WDFY3: variants seen among roughly 807,000 people sequenced by gnomAD.
WDFY3 encodes WD repeat and FYVE domain-containing protein 3.
WDFY3 carries 66 observed loss-of-function variants against 409.6 expected under a neutral mutation model. The ratio of observed to expected loss-of-function variants is 0.16; its 90% CI spans 0.13 to 0.20. The LOEUF is 0.20. WDFY3 is among the 10% of genes least tolerant of loss of function. WDFY3 has a pLI of 1.00. For missense variants in WDFY3, 3,031 were observed against 4,298.1 expected (o/e 0.71, Z 8.24); for synonymous variants, 1,521 against 1,537.1 (o/e 0.99, Z 0.25).
At chr4:84,684,274 G>T in intron 62 of WDFY3, 149 bp from the exon 63 acceptor site, 1 of 689,380 alleles carries the variant, frequency 1.5e-6, no homozygotes. Context: ...GAAATTCAGT[G>T]CTTGCTGACT....
Position 84,780,263 on chromosome 4 carries a change from T to C in WDFY3, c.4210A>G (p.Thr1404Ala). 9 of 1,613,356 alleles carry C rather than the reference T, an allele frequency of 5.6e-6. No homozygotes were observed. The highest frequency in any genetic ancestry group is 1.1e-5 in the South Asian group (1 of 90,826). Residue 1404 changes from threonine to alanine, a missense_variant, in exon 26 of 68, where the codon ACT (threonine) becomes GCT (alanine). This residue lies in a region of WDFY3 where 1,322 missense variants were observed against 1,697.9 expected (regional missense o/e 0.78). Transcript: ENST00000295888. ...RTFVPKPVAT[T>A]LQYVGGAAAI... ...GCAGCTCCACCAACGTACTGCAAAGTAGTGGCAACAGGCTTAGGGACAAAT... is the reference window on the plus strand; with the variant it reads ...GCAGCTCCACCAACGTACTGCAAAGCAGTGGCAACAGGCTTAGGGACAAAT...
chr4:84,827,516 C>T (rs1440677915), intron 9 of WDFY3, among the ~76,000 whole-genome samples: 1 of 151,992 alleles, frequency 6.6e-6, no homozygotes, highest in Non-Finnish European at 1.5e-5. Flanking sequence ...AGTGAGAGTT[C>T]CAACAGCTGG....
intron 3 of WDFY3, among the ~76,000 whole-genome samples, chr4:84,895,724 T>G (rs1359850524): frequency 6.6e-6 from 1 of 152,052 alleles, no homozygotes; most frequent in Non-Finnish European, 1.5e-5. Flanking sequence ...GCAGTGCCAG[T>G]AGAGGTAAGG....
intron 2 of WDFY3, among the ~76,000 whole-genome samples, chr4:84,901,192 T>C (rs1239011534): frequency 6.6e-6 from 1 of 152,212 alleles, no homozygotes; most frequent in Non-Finnish European, 1.5e-5. Flanking sequence ...TTCTAAAGGC[T>C]CTACCTCTTA....
At chr4:84,713,125 T>A in intron 51 of WDFY3, 34 bp downstream of exon 51, 1 of 1,602,978 alleles carries the variant, frequency 6.2e-7, no homozygotes, top group Middle Eastern at 1.7e-4. Context: ...AACTTCACTA[T>A]TAAACTGTAA....
intron 3 of WDFY3, among the ~76,000 whole-genome samples, chr4:84,876,976 T>A (rs746882356): frequency 1.3e-5 from 2 of 152,234 alleles, no homozygotes; most frequent in Non-Finnish European, 2.9e-5. Flanking sequence ...AAATTATCAA[T>A]ATCTTGCATC....
intron 11 of WDFY3, 36 bp from the exon 12 acceptor site, chr4:84,820,222 G>A (rs1413403929): frequency 1.3e-6 from 2 of 1,505,130 alleles, no homozygotes; most frequent in Non-Finnish European, 9.0e-7. Context: ...TTACAAAAGT[G>A]ATAAGCTTAT....
chr4:84,920,155 T>G (rs1428668155), intron 2 of WDFY3, among the ~76,000 whole-genome samples: 1 of 152,164 alleles, frequency 6.6e-6, no homozygotes, highest in African/African-American at 2.4e-5. Flanking sequence ...TGAAGAATTA[T>G]TCTAGATTAA....
At chr4:84,829,684 G>A (rs1441570932) in intron 8 of WDFY3, among the ~76,000 whole-genome samples, 1 of 151,950 alleles carries the variant, frequency 6.6e-6, no homozygotes, top group African/African-American at 2.4e-5. Flanking sequence ...GCACGCGCCT[G>A]TAGTCCCAGC....
At chr4:84,884,966 C>T (rs931582477) in intron 3 of WDFY3, among the ~76,000 whole-genome samples, 1 of 152,136 alleles carries the variant, frequency 6.6e-6, no homozygotes, top group Non-Finnish European at 1.5e-5. Flanking sequence ...GAAAGGTAAA[C>T]TATACAGCTA....
chr4:84,806,166 T>C (rs927217970), intron 15 of WDFY3, among the ~76,000 whole-genome samples: 5 of 152,176 alleles, frequency 3.3e-5, no homozygotes, highest in African/African-American at 1.2e-4. Context: ...ATGTAATTTG[T>C]TGAGAGGTTC....
chr4:84,808,443 G>T, intron 14 of WDFY3, 26 bp from the exon 15 acceptor site: 1 of 1,603,938 alleles, frequency 6.2e-7, no homozygotes, highest in African/African-American at 1.3e-5. Context: ...CAGACAGGGT[G>T]GTTTAGAGAG....
intron 3 of WDFY3, among the ~76,000 whole-genome samples, chr4:84,887,054 A>G (rs1422137802): frequency 6.6e-6 from 1 of 152,338 alleles, no homozygotes; most frequent in Non-Finnish European, 1.5e-5. Context: ...ACAGTGGTAC[A>G]TATCAACAAC....
chr4:84,938,293 G>A (rs1372613785), intron 1 of WDFY3, among the ~76,000 whole-genome samples: 1 of 151,990 alleles, frequency 6.6e-6, no homozygotes, highest in African/African-American at 2.4e-5. Flanking sequence ...ATAATTGGGG[G>A]ACAACAACTA....
intron 3 of WDFY3, among the ~76,000 whole-genome samples, chr4:84,871,191 T>C (rs1762084325): frequency 6.6e-6 from 1 of 151,812 alleles, no homozygotes; most frequent in African/African-American, 2.4e-5. Flanking sequence ...CTGCAGTGAA[T>C]CAAACATAAA....
At chr4:84,673,020 T>C (rs753951681) in intron 67 of WDFY3, 29 bp from the exon 68 acceptor site, 66 of 1,613,058 alleles carry the variant, frequency 4.1e-5, no homozygotes, top group Admixed American at 1.0e-4. Flanking sequence ...CAATTAATTA[T>C]AGGTCTTCTC....
chr4:84,802,393 C>T (rs190756257), intron 16 of WDFY3, among the ~76,000 whole-genome samples: 2 of 151,776 alleles, frequency 1.3e-5, no homozygotes, highest in South Asian at 2.1e-4. Flanking sequence ...CCGAGTAGCT[C>T]GGACTACAGG....
chr4:84,927,349 T>C (rs761021344), intron 2 of WDFY3, among the ~76,000 whole-genome samples: 2 of 151,958 alleles, frequency 1.3e-5, no homozygotes, highest in African/African-American at 4.8e-5. Flanking sequence ...ACACACCTTA[T>C]AGATTAACTC....
intron 8 of WDFY3, among the ~76,000 whole-genome samples, chr4:84,830,479 T>C (rs757307315): frequency 2.0e-5 from 3 of 152,214 alleles, no homozygotes; most frequent in Admixed American, 6.5e-5. Context: ...GTAGGTTAAG[T>C]GTATTAAATG....
Sources: allele counts gnomAD v4.1 joint callset (sites outside exome capture counted in the v4.1 genomes callset), GRCh38; gene constraint gnomAD v4.1.1; regional missense constraint gnomAD v4.1.1; transcripts MANE v1.5; gene names NCBI Gene and HGNC (gene_info 2026-07-23, HGNC 2026-07-21).